The following FAM135A variants were observed in gnomAD, a reference collection of about 807,000 sequenced individuals.
FAM135A encodes protein FAM135A.
FAM135A carries 79 observed loss-of-function variants against 146.8 expected under a neutral mutation model. The observed-to-expected ratio is 0.54, with a 90% CI of 0.45 to 0.65. FAM135A has a LOEUF of 0.65. Among genes scored for constraint, FAM135A ranks in the 30% least tolerant of loss-of-function variants. FAM135A has a pLI of 0.00. For missense variants in FAM135A, 1,623 were observed against 1,758.2 expected, an observed-to-expected ratio of 0.92 and a Z score of 1.38; for synonymous variants, 562 against 603.6, an observed-to-expected ratio of 0.93 and a Z score of 1.01.
At chr6:70,493,999 A>G (rs1042559737) in intron 11 of FAM135A, among the ~76,000 whole-genome samples, 2 of 146,792 alleles carry the variant, frequency 1.4e-5, no homozygotes, top group African/African-American at 2.5e-5. Flanking sequence ...GGTTACAGTG[A>G]GCCAAGGTCA....
chr6:70,466,444 G>C (rs1780497233), intron 5 of FAM135A, among the ~76,000 whole-genome samples: 1 of 152,146 alleles, frequency 6.6e-6, no homozygotes, highest in Non-Finnish European at 1.5e-5. Flanking sequence ...GTGTAAGATA[G>C]CATAAATATC....
At chr6:70,493,469 A>C (rs1786509116) in intron 11 of FAM135A, among the ~76,000 whole-genome samples, 1 of 152,174 alleles carries the variant, frequency 6.6e-6, no homozygotes, top group Admixed American at 6.5e-5. Flanking sequence ...TTTAAATTTC[A>C]GTATGTAAAT....
chr6:70,499,780 T>G (rs751905853), intron 11 of FAM135A, among the ~76,000 whole-genome samples: 2 of 152,172 alleles, frequency 1.3e-5, no homozygotes, highest in Non-Finnish European at 2.9e-5. Flanking sequence ...AATGCTTTTC[T>G]TTTGAGAATG....
rs770772401 is a variant in FAM135A, at chr6:70,526,157, G to A, written c.3073G>A (p.Asp1025Asn). ...AAGTGAAACTCATCTGGGTACAAGT[G>A]ATCCTTTTTCAGCCAGTACTGATAT... ...VESETHLGTS[D>N]PFSASTDIVK... The change falls in exon 15 of 22, where the codon GAT becomes AAT. Residue 1025 changes from aspartate (D) to asparagine (N), a missense_variant. Asp to Asn is a conservative substitution (Grantham distance 23). Around this residue, in one of 7 missense-constraint regions of FAM135A, gnomAD observed 1,061 missense variants for 1,113.8 expected, o/e 0.95. Transcript: ENST00000418814. 2 of 1,613,528 alleles carry A rather than the reference G, an allele frequency of 1.2e-6. No homozygotes were observed. The highest frequency in any genetic ancestry group is 3.3e-5 in the Admixed American group (2 of 59,998).
In FAM135A at chr6:70,556,756, A is replaced by C; in HGVS notation, c.4235A>C (p.His1412Pro). 6.2e-7 allele frequency: 1 copy of C among 1,602,386 alleles called. No homozygotes were observed. The highest frequency in any genetic ancestry group is 8.5e-7 in the Non-Finnish European group (1 of 1,175,002). The change falls in exon 21 of 22, where the codon CAT (histidine) becomes CCT (proline). Residue 1412 changes from histidine to proline, a missense_variant. Coordinates refer to ENST00000418814, the MANE Select transcript of FAM135A (RefSeq NM_001162529.3). ...TATTATATTCTATTCACAGGGCTTC[A>C]TTATTTCAAAAATGTTGTGCTAGTG... ...LYKLSNKAGL[H>P]YFKNVVLVGS... is the part of the protein sequence containing the mutation.
chr6:70,548,731 T>C (rs1339823474), intron 20 of FAM135A, among the ~76,000 whole-genome samples: 1 of 152,110 alleles, frequency 6.6e-6, no homozygotes, highest in African/African-American at 2.4e-5. Context: ...CAGTGGGAAA[T>C]TTGTGAGGAA....
chr6:70,554,875 C>T (rs1800535611), intron 20 of FAM135A, among the ~76,000 whole-genome samples: 2 of 152,158 alleles, frequency 1.3e-5, no homozygotes, highest in South Asian at 2.1e-4. Context: ...GATCCACCCT[C>T]GGCCTCCCAA....
At chr6:70,488,471 C>T (rs201683189) in intron 10 of FAM135A, among the ~76,000 whole-genome samples, 2 of 150,802 alleles carry the variant, frequency 1.3e-5, no homozygotes, top group African/African-American at 2.4e-5. Flanking sequence ...CCAAGCCCCC[C>T]CCCCCAGAAA....
intron 16 of FAM135A, among the ~76,000 whole-genome samples, chr6:70,530,059 G>A (rs900216114): frequency 1.4e-5 from 2 of 147,192 alleles, no homozygotes; most frequent in Non-Finnish European, 3.0e-5. Context: ...CTAAGACTAC[G>A]TCTCAAAAAA....
chr6:70,560,179 T>C lies in FAM135A; in HGVS notation c.*258T>C. ...TCATATATTTTGCTACCTAAGTATTTCAGTGAAACTTTAAGCCCATACCTG... is the reference window on the plus strand; with the variant it reads ...TCATATATTTTGCTACCTAAGTATTCCAGTGAAACTTTAAGCCCATACCTG... On this transcript the variant is annotated 3_prime_UTR_variant, in exon 22 of 22. Coordinates refer to ENST00000418814, the MANE Select transcript of FAM135A (RefSeq NM_001162529.3). 2.9e-6 allele frequency: 1 copy of C among 350,268 alleles called. No individual in the cohort carries two copies. Among genetic ancestry groups the C allele is most frequent in the Non-Finnish European group, 5.2e-6 (1 of 191,164 alleles). The allele number at this position is 350,268 out of a possible 1,614,324, so 21.7% of individuals were successfully genotyped here.
intron 8 of FAM135A, among the ~76,000 whole-genome samples, chr6:70,477,964 T>C (rs1451544393): frequency 6.6e-6 from 1 of 152,164 alleles, no homozygotes; most frequent in African/African-American, 2.4e-5. Flanking sequence ...ACAACATTGT[T>C]TATTCTGTAC....
intron 4 of FAM135A, among the ~76,000 whole-genome samples, chr6:70,433,658 C>T (rs114904933): frequency 0.019 from 2,868 of 152,244 alleles, 95 homozygotes; most frequent in African/African-American, 0.065. Context: ...TGGGACTTCT[C>T]AGCTCTCCTC....
chr6:70,516,977 T>C (rs1792419778), intron 12 of FAM135A, among the ~76,000 whole-genome samples: 1 of 152,218 alleles, frequency 6.6e-6, no homozygotes, highest in Admixed American at 6.5e-5. Context: ...TTATGAAGTT[T>C]GCATTTTTAA....
intron 8 of FAM135A, 87 bp downstream of exon 8, chr6:70,477,419 G>A: frequency 2.2e-6 from 3 of 1,343,180 alleles, no homozygotes; most frequent in Non-Finnish European, 3.0e-6. Context: ...AAATAAAAGA[G>A]GTTTAATTGG....
chr6:70,522,845 G>GTC (rs1793916112), intron 13 of FAM135A, among the ~76,000 whole-genome samples: 1 of 152,100 alleles, frequency 6.6e-6, no homozygotes, highest in Admixed American at 6.5e-5. Flanking sequence ...AATCTTGGTA[G>GTC]TCTCATACAG....
chr6:70,552,190 A>G (rs1027776785), intron 20 of FAM135A, among the ~76,000 whole-genome samples: 1 of 152,230 alleles, frequency 6.6e-6, no homozygotes, highest in Admixed American at 6.5e-5. Context: ...GCAAAATGTT[A>G]TATTACTATG....
At chr6:70,473,996 A>G (rs1169793590) in intron 5 of FAM135A, among the ~76,000 whole-genome samples, 3 of 151,876 alleles carry the variant, frequency 2.0e-5, no homozygotes, top group South Asian at 2.1e-4. Context: ...ACCTTACTCA[A>G]AGTCACCGCT....
At chr6:70,444,174 A>G (rs9446253) in intron 4 of FAM135A, among the ~76,000 whole-genome samples, 3,840 of 152,226 alleles carry the variant, frequency 0.025, 167 homozygotes, top group African/African-American at 0.088. Context: ...GGAGGGAAGC[A>G]GGCACATCAC....
At chr6:70,423,865 G>A (rs1191827486) in intron 2 of FAM135A, among the ~76,000 whole-genome samples, 1 of 152,110 alleles carries the variant, frequency 6.6e-6, no homozygotes, top group Non-Finnish European at 1.5e-5. Flanking sequence ...TCACTGAGAG[G>A]CACAGTACTT....
Sources: allele counts gnomAD v4.1 joint callset (sites outside exome capture counted in the v4.1 genomes callset), GRCh38; gene constraint gnomAD v4.1.1; regional missense constraint gnomAD v4.1.1; transcripts MANE v1.5; gene names NCBI Gene and HGNC (gene_info 2026-07-23, HGNC 2026-07-21).